The following SYNC variants were observed in gnomAD, a reference collection of about 807,000 sequenced individuals.
SYNC encodes the protein syncoilin, intermediate filament protein.
A neutral mutation model predicts 49.5 loss-of-function variants in SYNC; 38 were observed. That is an observed-to-expected ratio of 0.77 (90% CI 0.59 to 1.01). SYNC has a LOEUF of 1.01. SYNC is among the 50% of genes least tolerant of loss of function. The pLI is 0.00. For missense variants in SYNC, 579 were observed against 580.6 expected, an observed-to-expected ratio of 1.00 and a Z score of 0.03; for synonymous variants, 201 against 230.8, an observed-to-expected ratio of 0.87 and a Z score of 1.17.
rs767011909 is a variant in SYNC at position 32,681,830 on chromosome 1, A to G, written c.*20T>C. The G allele has an allele frequency of 5.0e-6, 8 of 1,614,078 alleles. No individual in the cohort carries two copies. The highest frequency in any genetic ancestry group is 2.2e-5 in the East Asian group (1 of 44,884). The stretch of plus-strand genomic sequence containing the variant: ...AGAAGTTTTTTGCTGTTTCCGGGTT[A>G]CAGATTTGGCCATATATTTCTAAAC... On this transcript the variant is annotated 3_prime_UTR_variant, in exon 5 of 5. Transcript: ENST00000409190.
intron 2 of SYNC, among the ~76,000 whole-genome samples, chr1:32,689,023 C>T (rs12758365): frequency 6.6e-6 from 1 of 151,838 alleles, no homozygotes; most frequent in Non-Finnish European, 1.5e-5. Flanking sequence ...ACTGCAACCT[C>T]TGCCTCCCGG....
At chr1:32,698,522 A>C (rs779096603) in intron 1 of SYNC, among the ~76,000 whole-genome samples, 11 of 152,194 alleles carry the variant, frequency 7.2e-5, no homozygotes, top group Non-Finnish European at 1.5e-4. Context: ...CTGTATCAAA[A>C]AAAAAAGTTT....
intron 4 of SYNC, chr1:32,682,714 T>G (rs951149732): frequency 2.0e-5 from 3 of 151,358 alleles, no homozygotes; most frequent in East Asian, 2.0e-4. Context: ...GAGGTTGCAG[T>G]GAACTGAGAC....
chr1:32,700,234 A>C (rs1053289262), intron 1 of SYNC, among the ~76,000 whole-genome samples: 6 of 152,238 alleles, frequency 3.9e-5, no homozygotes, highest in African/African-American at 1.4e-4. Context: ...AGGGCCAGGA[A>C]GGATGCACCT....
At chr1:32,700,217 T>A (rs1246720178) in intron 1 of SYNC, among the ~76,000 whole-genome samples, 1 of 152,168 alleles carries the variant, frequency 6.6e-6, no homozygotes, top group Admixed American at 6.5e-5. Flanking sequence ...GCAGAGCTCC[T>A]AGAGCCAGGG....
At position 32,681,529 on chromosome 1, in the gene SYNC, T is replaced by G; in HGVS notation, c.*321A>C. 1 of 410,128 alleles carries G rather than the reference T, an allele frequency of 2.4e-6. No individual in the cohort carries two copies. The highest frequency in any genetic ancestry group is 4.4e-6 in the Non-Finnish European group (1 of 229,642). 25.4% of individuals were successfully genotyped at this position (410,128 alleles called of 1,614,324 possible). ...TTTAAAATACTCCCAGATGTGTCCA[T>G]ACATTCATCCTTCACTCAGTGCATA... On this transcript the variant is annotated 3_prime_UTR_variant, in exon 5 of 5. Coordinates refer to ENST00000409190, the MANE Select transcript of SYNC (RefSeq NM_030786.3).
At chr1:32,701,038 C>T (rs1650646493) in intron 1 of SYNC, among the ~76,000 whole-genome samples, 1 of 151,992 alleles carries the variant, frequency 6.6e-6, no homozygotes, top group Non-Finnish European at 1.5e-5. Flanking sequence ...GTCTCAGCCT[C>T]CCAAGTAACT....
chr1:32,681,936 T>C, intron 4 of SYNC, 76 bp from the exon 5 acceptor site: 8 of 1,332,682 alleles, frequency 6.0e-6, no homozygotes, highest in Admixed American at 5.1e-5. Context: ...TGAGAAGAGA[T>C]TGTTACAGTG....
intron 3 of SYNC, 72 bp from the exon 4 acceptor site, chr1:32,684,161 C>CT: frequency 6.2e-7 from 1 of 1,606,114 alleles, no homozygotes; most frequent in South Asian, 1.1e-5. Flanking sequence ...CCCAAATCCT[C>CT]TTTTTGTTTT....
At chr1:32,688,514 T>G (rs1650002079) in intron 2 of SYNC, among the ~76,000 whole-genome samples, 1 of 152,214 alleles carries the variant, frequency 6.6e-6, no homozygotes, top group African/African-American at 2.4e-5. Flanking sequence ...CTGCCACATT[T>G]TAACATCTCT....
rs774310011 is a variant in SYNC at position 32,695,692 on chromosome 1, C to T, written c.406G>A (p.Val136Ile). The T allele has an allele frequency of 6.7e-5, 104 of 1,551,486 alleles. No individual in the cohort carries two copies. Among genetic ancestry groups the T allele is most frequent in the Middle Eastern group, 1.7e-4 (1 of 6,014 alleles). Residue 136 changes from valine to isoleucine, a missense_variant, in exon 2 of 5, where the codon GTT becomes ATT. Coordinates refer to ENST00000409190, the MANE Select transcript of SYNC (RefSeq NM_030786.3). ...GTGACTGTCTCTCCCTCATAAACAA[C>T]GTGCTCTGGGCTTGTGGGCTTTCCT... ...EPGKPTSPEH[V>I]VYEGETVTRA...
upstream of SYNC, chr1:32,703,207 CG>C (rs1236308964): frequency 6.6e-6 from 1 of 151,924 alleles, no homozygotes; most frequent in Non-Finnish European, 1.5e-5. Flanking sequence ...CGGCAGCTGT[CG>C]TGAAGGGCGG....
intron 2 of SYNC, among the ~76,000 whole-genome samples, chr1:32,693,982 A>AGGTGGC: frequency 6.6e-6 from 1 of 152,152 alleles, no homozygotes; most frequent in Non-Finnish European, 1.5e-5. Context: ...CACACCTATA[A>AGGTGGC]TCCTAGCTCT....
In SYNC at chr1:32,695,924, A is replaced by C. The variant is rs1360451055; in HGVS notation, c.174T>G (p.Ile58Met). ...GGTCACCTGTGTCCTCCAGGTAGAG[A>C]ATGTCTTCGAGGTTTAAGGACCCCT... ...SSEGSLNLED[I>M]LYLEDTGDLD... Residue 58 changes from isoleucine to methionine, a missense_variant, in exon 2 of 5, where the codon ATT becomes ATG. Physicochemically the swap from Ile to Met is conservative, Grantham distance 10. Coordinates refer to ENST00000409190, the MANE Select transcript of SYNC (RefSeq NM_030786.3). 6.4e-7 allele frequency: 1 copy of C among 1,551,248 alleles called. No homozygotes were observed. The highest frequency in any genetic ancestry group is 2.4e-5 in the East Asian group (1 of 40,920).
chr1:32,694,683 TA>T (rs1254266373), intron 2 of SYNC, among the ~76,000 whole-genome samples, 181 bp downstream of exon 2: 2 of 150,984 alleles, frequency 1.3e-5, no homozygotes, highest in Non-Finnish European at 3.0e-5. Flanking sequence ...ACAGTGCAGA[TA>T]ACTTCTAGTC....
At chr1:32,692,238 AATC>A (rs1650202746) in intron 2 of SYNC, among the ~76,000 whole-genome samples, 3 of 152,160 alleles carry the variant, frequency 2.0e-5, no homozygotes, top group Non-Finnish European at 2.9e-5. Context: ...AAAAAATAAT[AATC>A]ATCATCATCA....
chr1:32,692,076 C>A (rs1426437239), intron 2 of SYNC, among the ~76,000 whole-genome samples: 4 of 151,876 alleles, frequency 2.6e-5, no homozygotes, highest in African/African-American at 9.7e-5. Flanking sequence ...ATTAAAAATG[C>A]AAAAAATTAG....
Position 32,681,757 on chromosome 1 carries a change from G to A in SYNC, c.*93C>T. ...TGCTTGCCAAGTTTCTGGCACTCTTGTCTGGTTGGAAGAGTACATCCAAAG... is the reference window on the plus strand; with the variant it reads ...TGCTTGCCAAGTTTCTGGCACTCTTATCTGGTTGGAAGAGTACATCCAAAG... On this transcript the variant is annotated 3_prime_UTR_variant, in exon 5 of 5. Coordinates refer to ENST00000409190, the MANE Select transcript of SYNC (RefSeq NM_030786.3). The A allele has an allele frequency of 3.7e-6, 6 of 1,603,586 alleles. No individual in the cohort carries two copies. Among genetic ancestry groups the A allele is most frequent in the Non-Finnish European group, 5.1e-6 (6 of 1,171,366 alleles).
intron 2 of SYNC, 135 bp from the exon 3 acceptor site, chr1:32,684,517 G>C: frequency 1.5e-6 from 2 of 1,310,426 alleles, no homozygotes; most frequent in South Asian, 2.9e-5. Flanking sequence ...TTATATGATA[G>C]GTTATGAAAC....
Sources: gnomAD v4.1 joint callset for allele counts (sites outside exome capture counted in the v4.1 genomes callset) on GRCh38, gnomAD v4.1.1 for gene constraint, MANE v1.5 for transcripts, NCBI Gene and HGNC (gene_info 2026-07-23, HGNC 2026-07-21) for gene names.